Variants in ARHGAP15 observed in about 807,000 individuals in gnomAD.
ARHGAP15 encodes the protein Rho GTPase activating protein 15.
Under a neutral mutation model 63.7 loss-of-function variants are expected in ARHGAP15, and 51 were observed. The observed-to-expected ratio is 0.80, with a 90% CI of 0.64 to 1.01. ARHGAP15 has a LOEUF of 1.01. Among genes scored for constraint, ARHGAP15 ranks in the 50% least tolerant of loss-of-function variants. The pLI, the probability that ARHGAP15 is intolerant of heterozygous loss-of-function variation, is 0.00. For synonymous variants in ARHGAP15, 191 were observed against 193.8 expected (o/e 0.99, Z 0.12); for missense variants, 560 against 564.6 (o/e 0.99, Z 0.08).
intron 12 of ARHGAP15, among the ~76,000 whole-genome samples, chr2:143,649,731 A>C (rs1681068205): frequency 6.6e-6 from 1 of 151,910 alleles, no homozygotes; most frequent in Non-Finnish European, 1.5e-5. Context: ...TGTGCCCTTT[A>C]ATACAAGGAA....
At chr2:143,133,963 A>G (rs1357083303) in intron 1 of ARHGAP15, among the ~76,000 whole-genome samples, 1 of 152,238 alleles carries the variant, frequency 6.6e-6, no homozygotes, top group Non-Finnish European at 1.5e-5. Flanking sequence ...CTAAGGAACT[A>G]ATTCTCTTTT....
intron 8 of ARHGAP15, among the ~76,000 whole-genome samples, chr2:143,479,175 C>A (rs1691959923): frequency 6.6e-6 from 1 of 152,180 alleles, no homozygotes; most frequent in Middle Eastern, 3.2e-3. Flanking sequence ...GGTTCAGAAT[C>A]TGAGTCCATA....
intron 6 of ARHGAP15, among the ~76,000 whole-genome samples, chr2:143,272,592 G>T (rs1023860892): frequency 1.3e-5 from 2 of 152,172 alleles, no homozygotes; most frequent in Non-Finnish European, 2.9e-5. Context: ...GACAGAGATT[G>T]CAGTGAGCCG....
intron 9 of ARHGAP15, among the ~76,000 whole-genome samples, chr2:143,500,491 A>G (rs1181679348): frequency 6.6e-6 from 1 of 152,164 alleles, no homozygotes; most frequent in African/African-American, 2.4e-5. Context: ...AGATTTAGAT[A>G]TATTTGACAG....
intron 12 of ARHGAP15, among the ~76,000 whole-genome samples, chr2:143,636,685 G>T (rs905838813): frequency 1.3e-5 from 2 of 152,138 alleles, no homozygotes; most frequent in African/African-American, 4.8e-5. Flanking sequence ...CGTAGAGCCT[G>T]TTCAGTGCTC....
chr2:143,176,077 A>G (rs1408747138), intron 2 of ARHGAP15, among the ~76,000 whole-genome samples: 2 of 152,164 alleles, frequency 1.3e-5, no homozygotes, highest in Non-Finnish European at 2.9e-5. Flanking sequence ...AACACAAATG[A>G]GTTACTATAT....
intron 10 of ARHGAP15, among the ~76,000 whole-genome samples, chr2:143,540,706 C>G (rs968948754): frequency 8.5e-5 from 13 of 152,154 alleles, no homozygotes; most frequent in Non-Finnish European, 1.5e-4. Context: ...GTATTGGCCC[C>G]CACTCTCTTC....
chr2:143,424,925 A>C (rs1387127863), intron 6 of ARHGAP15, among the ~76,000 whole-genome samples: 2 of 152,086 alleles, frequency 1.3e-5, no homozygotes, highest in Non-Finnish European at 1.5e-5. Context: ...AATGACTCTC[A>C]GTATTGTGTG....
chr2:143,223,234 A>G (rs757668211), intron 4 of ARHGAP15, among the ~76,000 whole-genome samples: 4 of 152,156 alleles, frequency 2.6e-5, no homozygotes, highest in South Asian at 2.1e-4. Context: ...TCAGCCTCCC[A>G]AAGTGCTGGG....
chr2:143,160,347 T>C (rs1388970617), intron 2 of ARHGAP15, among the ~76,000 whole-genome samples: 1 of 151,964 alleles, frequency 6.6e-6, no homozygotes, highest in Non-Finnish European at 1.5e-5. Context: ...CTAATCTTTA[T>C]TGGACTATTG....
At chr2:143,231,288 A>G (rs577914663) in intron 5 of ARHGAP15, among the ~76,000 whole-genome samples, 7 of 152,268 alleles carry the variant, frequency 4.6e-5, no homozygotes, top group African/African-American at 1.7e-4. Flanking sequence ...ATTCTATAGT[A>G]CACAATAGAG....
Position 143,519,497 on chromosome 2 carries a change from A to G in ARHGAP15, c.925+133A>G, listed in dbSNP as rs927910427. The G allele has an allele frequency of 5.2e-5, 30 of 575,716 alleles. No homozygotes were observed. The Middle Eastern group carries it at 1.0e-3, about 19-fold the overall frequency. 35.7% of individuals were successfully genotyped at this position (575,716 alleles called of 1,614,324 possible). ...ACTTGACTTGTGTTAATCGGTTAAG[A>G]GGATCATCTTTCTTATTAACTTCAG... On this transcript the variant is annotated intron_variant, in intron 10 of 13. Coordinates refer to ENST00000295095, the MANE Select transcript of ARHGAP15 (RefSeq NM_018460.4).
At chr2:143,632,259 T>C (rs966937263) in intron 12 of ARHGAP15, among the ~76,000 whole-genome samples, 3 of 152,108 alleles carry the variant, frequency 2.0e-5, no homozygotes, top group Non-Finnish European at 4.4e-5. Context: ...AAAACAATTT[T>C]ATGATTCCAA....
intron 8 of ARHGAP15, among the ~76,000 whole-genome samples, chr2:143,462,881 AC>A (rs1415848862): frequency 2.6e-5 from 4 of 152,140 alleles, no homozygotes; most frequent in Non-Finnish European, 5.9e-5. Context: ...TCATAAAGAA[AC>A]AGTTAGAAAG....
At chr2:143,345,641 T>C (rs1190279642) in intron 6 of ARHGAP15, among the ~76,000 whole-genome samples, 2 of 152,160 alleles carry the variant, frequency 1.3e-5, no homozygotes, top group Non-Finnish European at 2.9e-5. Context: ...TTCAGTTTCT[T>C]TCATTTTTTT....
chr2:143,634,233 C>T (rs1395192658), intron 12 of ARHGAP15, among the ~76,000 whole-genome samples: 1 of 152,050 alleles, frequency 6.6e-6, no homozygotes, highest in East Asian at 1.9e-4. Context: ...GTCTACCGAA[C>T]ACACTCTCCC....
At chr2:143,491,242 G>A (rs1692568213) in intron 9 of ARHGAP15, among the ~76,000 whole-genome samples, 1 of 152,194 alleles carries the variant, frequency 6.6e-6, no homozygotes, top group Non-Finnish European at 1.5e-5. Context: ...GGTGGTAGGA[G>A]TGTTTATAAA....
chr2:143,630,534 G>GAAA (rs1699022939), intron 12 of ARHGAP15, among the ~76,000 whole-genome samples: 2 of 151,818 alleles, frequency 1.3e-5, no homozygotes, highest in Admixed American at 1.3e-4. Context: ...TATCTCTTCT[G>GAAA]GTTACTTTCA....
intron 10 of ARHGAP15, among the ~76,000 whole-genome samples, chr2:143,548,427 C>T (rs192906182): frequency 6.6e-6 from 1 of 151,834 alleles, no homozygotes; most frequent in Admixed American, 6.6e-5. Flanking sequence ...CTGGAATTTG[C>T]CCCTAGCTCA....
Sources: allele counts gnomAD v4.1 joint callset (sites outside exome capture counted in the v4.1 genomes callset), GRCh38; gene constraint gnomAD v4.1.1; transcripts MANE v1.5; gene names NCBI Gene and HGNC (gene_info 2026-07-23, HGNC 2026-07-21).